The following LRP2 variants were observed in gnomAD, a reference collection of about 807,000 sequenced individuals.
The protein encoded by LRP2 is LDL receptor related protein 2.
Under a neutral mutation model 531.0 loss-of-function variants are expected in LRP2, and 172 were observed. That is an observed-to-expected ratio of 0.32 (90% CI 0.29 to 0.37). LRP2 has a LOEUF of 0.37. LRP2 is among the 10% of genes least tolerant of loss of function. The probability of loss-of-function intolerance (pLI) is 1.00; values close to 1 mark genes in which losing one functional copy is unlikely to be tolerated. For synonymous variants in LRP2, 1,992 were observed against 2,027.6 expected (o/e 0.98, Z 0.47); for missense variants, 5,167 against 5,868.3 (o/e 0.88, Z 3.90).
Position 169,327,327 on chromosome 2 carries a change from G to A in LRP2, c.80-6443C>T, listed in dbSNP as rs1234815597. Among the ~76,000 whole-genome samples, 61 of 125,318 alleles carry A rather than the reference G, an allele frequency of 4.9e-4. 2 individuals carry two copies. Among genetic ancestry groups the A allele is most frequent in the Non-Finnish European group, 9.2e-4 (53 of 57,754 alleles). 82.2% of individuals were successfully genotyped at this position (125,318 alleles called of 152,430 possible). On this transcript the variant is annotated intron_variant, in intron 1 of 78. Transcript: ENST00000649046. Reference sequence around the variant, plus strand: ...GGGAGGGAGGTGGGGTCAGCCCCCCGCCCGGCCAGCCGCCCCATCCGGGAG... The same window carrying A: ...GGGAGGGAGGTGGGGTCAGCCCCCCACCCGGCCAGCCGCCCCATCCGGGAG...
chr2:169,222,687 C>G (rs1689061648), intron 33 of LRP2, among the ~76,000 whole-genome samples: 1 of 152,146 alleles, frequency 6.6e-6, no homozygotes, highest in African/African-American at 2.4e-5. Context: ...TAACCATAAT[C>G]TGAAAATAGA....
chr2:169,358,656 T>A (rs1203812230), intron 1 of LRP2, among the ~76,000 whole-genome samples: 1 of 152,200 alleles, frequency 6.6e-6, no homozygotes, highest in Non-Finnish European at 1.5e-5. Context: ...TAAAAGCTGA[T>A]ACTAACTCTT....
At position 169,138,474 on chromosome 2, in the gene LRP2, T is replaced by C. The variant is rs572637785; in HGVS notation, c.13518+103A>G. On this transcript the variant is annotated intron_variant, in intron 75 of 78. Coordinates refer to ENST00000649046, the MANE Select transcript of LRP2 (RefSeq NM_004525.3). ...AGTGCAGACCTTATTCTGAGAGGCC[T>C]AATACTGTATTTCAGTCTTCTCTAG... 3.1e-6 allele frequency: 4 copies of C among 1,284,710 alleles called. No homozygotes were observed. In the Admixed American group the frequency reaches 7.6e-5, roughly 24 times the overall value. 79.6% of individuals were successfully genotyped at this position (1,284,710 alleles called of 1,614,324 possible).
chr2:169,360,183 A>G (rs113852092), intron 1 of LRP2, among the ~76,000 whole-genome samples: 28 of 151,340 alleles, frequency 1.9e-4, no homozygotes, highest in African/African-American at 6.5e-4. Context: ...GACACTGTAT[A>G]CTGTAGCAAT....
intron 70 of LRP2, 147 bp from the exon 71 acceptor site, chr2:169,142,940 T>A (rs1424911674): frequency 1.2e-6 from 1 of 824,838 alleles, no homozygotes; most frequent in Admixed American, 1.9e-5. Context: ...CCACTCACCC[T>A]CATTTACACT....
At chr2:169,151,278 C>A (rs1686110740) in intron 67 of LRP2, among the ~76,000 whole-genome samples, 1 of 152,142 alleles carries the variant, frequency 6.6e-6, no homozygotes, top group East Asian at 1.9e-4. Flanking sequence ...GCAGGATCCA[C>A]AATGGAATTA....
chr2:169,338,532 C>T (rs552588548), intron 1 of LRP2, among the ~76,000 whole-genome samples: 6 of 152,186 alleles, frequency 3.9e-5, no homozygotes, highest in Non-Finnish European at 7.4e-5. Flanking sequence ...CTCATTTGGC[C>T]ATGTGTTTGT....
intron 8 of LRP2, among the ~76,000 whole-genome samples, chr2:169,289,896 G>T (rs906273468): frequency 1.3e-4 from 20 of 151,902 alleles, no homozygotes; most frequent in African/African-American, 4.6e-4. Flanking sequence ...AGAAAAAAAT[G>T]CCATAGAGGT....
intron 19 of LRP2, among the ~76,000 whole-genome samples, chr2:169,254,652 A>AAC (rs1468238765): frequency 1.7e-5 from 2 of 114,358 alleles, no homozygotes; most frequent in Non-Finnish European, 3.7e-5. Flanking sequence ...ATAAAAAAAA[A>AAC]AAAAAACAGC....
At chr2:169,335,935 A>G (rs925673105) in intron 1 of LRP2, among the ~76,000 whole-genome samples, 8 of 151,716 alleles carry the variant, frequency 5.3e-5, no homozygotes, top group African/African-American at 1.9e-4. Context: ...GAATCTCCTG[A>G]ACCCAGGAGG....
chr2:169,143,055 G>T (rs1434592694), intron 70 of LRP2, among the ~76,000 whole-genome samples: 5 of 152,092 alleles, frequency 3.3e-5, no homozygotes, highest in Non-Finnish European at 7.4e-5. Flanking sequence ...CTTCTCTGCT[G>T]CCCTGAGAGG....
intron 15 of LRP2, 139 bp downstream of exon 15, chr2:169,272,788 G>T: frequency 9.7e-7 from 1 of 1,027,998 alleles, no homozygotes. Flanking sequence ...ATGCCCTGTG[G>T]GCTACAGAAA....
Position 169,128,579 on chromosome 2 carries a change from C to T in LRP2, c.*84G>A, listed in dbSNP as rs1685173218. 1 of 1,357,134 alleles carries T rather than the reference C, an allele frequency of 7.4e-7. No homozygotes were observed. Among genetic ancestry groups the T allele is most frequent in the East Asian group, 2.3e-5 (1 of 43,640 alleles). The allele number at this position is 1,357,134 out of a possible 1,614,324, so 84.1% of individuals were successfully genotyped here. On this transcript the variant is annotated 3_prime_UTR_variant, in exon 79 of 79. Transcript: ENST00000649046. ...AAAAATATATTTTTTTCATAAAGTA[C>T]TGAATGTTAACTTTTTTCATCTGTT...
At chr2:169,310,733 A>G (rs1309442871) in intron 3 of LRP2, among the ~76,000 whole-genome samples, 1 of 152,144 alleles carries the variant, frequency 6.6e-6, no homozygotes, top group East Asian at 1.9e-4. Context: ...ATTAGGGAGG[A>G]TTCCCTCTTT....
chr2:169,219,033 G>T (rs560507236), intron 34 of LRP2, among the ~76,000 whole-genome samples: 11 of 152,090 alleles, frequency 7.2e-5, no homozygotes, highest in African/African-American at 2.7e-4. Flanking sequence ...ACCCAACAAA[G>T]GTACACAATG....
intron 76 of LRP2, among the ~76,000 whole-genome samples, chr2:169,136,718 G>A (rs894028409): frequency 2.9e-5 from 4 of 138,668 alleles, no homozygotes; most frequent in East Asian, 2.1e-4. Context: ...CTTATAAAAC[G>A]GCCCCACCCC....
intron 33 of LRP2, among the ~76,000 whole-genome samples, chr2:169,221,853 A>G (rs1689023932): frequency 1.3e-5 from 2 of 152,090 alleles, no homozygotes; most frequent in Middle Eastern, 3.4e-3. Flanking sequence ...TCCTAAGACT[A>G]AGGATCTCTT....
intron 16 of LRP2, among the ~76,000 whole-genome samples, chr2:169,268,713 C>T (rs1302993953): frequency 7.2e-5 from 11 of 152,204 alleles, no homozygotes; most frequent in African/African-American, 1.7e-4. Flanking sequence ...TGCCCTCTCT[C>T]GCCACTCCTA....
intron 16 of LRP2, among the ~76,000 whole-genome samples, chr2:169,267,588 T>C (rs757695164): frequency 8.5e-5 from 13 of 152,154 alleles, no homozygotes; most frequent in Non-Finnish European, 1.6e-4. Flanking sequence ...CCAGAATCTC[T>C]GGGACACATT....
Sources: allele counts gnomAD v4.1 joint callset (sites outside exome capture counted in the v4.1 genomes callset), GRCh38; gene constraint gnomAD v4.1.1; transcripts MANE v1.5; gene names NCBI Gene and HGNC (gene_info 2026-07-23, HGNC 2026-07-21).